The following PDE4B variants were observed in gnomAD, a reference collection of about 807,000 sequenced individuals.
PDE4B encodes phosphodiesterase 4B, also known as 3',5'-cyclic-AMP phosphodiesterase 4B.
A neutral mutation model predicts 82.2 loss-of-function variants in PDE4B; 20 were observed. The observed-to-expected ratio is 0.24, with a 90% confidence interval of 0.17 to 0.35. The LOEUF is 0.35. Ranked by LOEUF, PDE4B falls within the 10% of genes least tolerant of loss-of-function variation. PDE4B has a pLI of 1.00. For missense variants in PDE4B, 655 were observed against 907.2 expected, an observed-to-expected ratio of 0.72 and a Z score of 3.57; for synonymous variants, 320 against 318.9, an observed-to-expected ratio of 1.00 and a Z score of -0.04.
intron 3 of PDE4B, among the ~76,000 whole-genome samples, chr1:66,073,633 C>T (rs1481843641): frequency 1.3e-5 from 2 of 152,046 alleles, no homozygotes; most frequent in African/African-American, 4.8e-5. Context: ...ATATTTGCAG[C>T]CAGCTCCAAG....
chr1:65,897,909 A>C (rs1045919816), intron 1 of PDE4B, among the ~76,000 whole-genome samples: 2 of 152,194 alleles, frequency 1.3e-5, no homozygotes, highest in Middle Eastern at 3.4e-3. Flanking sequence ...GAAATGTCCA[A>C]ACTGCTTTCC....
At chr1:65,820,997 GC>G (rs1645945632) in intron 1 of PDE4B, among the ~76,000 whole-genome samples, 1 of 152,186 alleles carries the variant, frequency 6.6e-6, no homozygotes, top group Non-Finnish European at 1.5e-5. Flanking sequence ...TTTCCTTAGA[GC>G]CTCAGAATTC....
chr1:66,331,179 G>A (rs1258884240), intron 7 of PDE4B, among the ~76,000 whole-genome samples: 6 of 152,162 alleles, frequency 3.9e-5, no homozygotes, highest in Admixed American at 3.9e-4. Flanking sequence ...AAACCATGTG[G>A]TCTTGCTAGA....
At chr1:66,338,801 A>G (rs541785) in intron 8 of PDE4B, among the ~76,000 whole-genome samples, 92,765 of 145,274 alleles carry the variant, frequency 0.64, 28,983 homozygotes, top group East Asian at 0.85. Flanking sequence ...GGCGGATCAC[A>G]AGGTCAGGAT....
chr1:66,152,025 A>T (rs911738875), intron 3 of PDE4B, among the ~76,000 whole-genome samples: 1 of 152,226 alleles, frequency 6.6e-6, no homozygotes, highest in Non-Finnish European at 1.5e-5. Flanking sequence ...CTTCAGTAAA[A>T]AGACACCATA....
At chr1:66,187,257 G>C (rs1045527201) in intron 3 of PDE4B, among the ~76,000 whole-genome samples, 1 of 151,682 alleles carries the variant, frequency 6.6e-6, no homozygotes, top group South Asian at 2.1e-4. Context: ...GAGGATTTTT[G>C]CATCAATGTT....
chr1:65,859,439 T>C (rs1378219942), intron 1 of PDE4B, among the ~76,000 whole-genome samples: 3 of 152,154 alleles, frequency 2.0e-5, no homozygotes, highest in Non-Finnish European at 4.4e-5. Context: ...TTTAGGTGAA[T>C]GTATTGAGTA....
chr1:65,893,492 GAA>G (rs560830018), intron 1 of PDE4B, among the ~76,000 whole-genome samples: 24 of 152,050 alleles, frequency 1.6e-4, no homozygotes, highest in African/African-American at 5.5e-4. Context: ...AATTAAAAAA[GAA>G]AGAGATGTTG....
At chr1:66,077,297 A>C (rs992398026) in intron 3 of PDE4B, among the ~76,000 whole-genome samples, 3 of 152,194 alleles carry the variant, frequency 2.0e-5, no homozygotes, top group Non-Finnish European at 4.4e-5. Flanking sequence ...AATAATAGCT[A>C]ATGCATTTAT....
At chr1:66,294,507 C>T (rs1210088040) in intron 7 of PDE4B, among the ~76,000 whole-genome samples, 1 of 152,080 alleles carries the variant, frequency 6.6e-6, no homozygotes, top group Non-Finnish European at 1.5e-5. Context: ...ATCTTCGTAG[C>T]CCAAATTAGC....
chr1:65,937,810 G>C (rs1391308638), intron 3 of PDE4B, among the ~76,000 whole-genome samples: 2 of 152,208 alleles, frequency 1.3e-5, no homozygotes, highest in East Asian at 3.9e-4. Context: ...GGAAGTGCAG[G>C]TTTTATATAA....
At chr1:66,048,822 T>C (rs1333408287) in intron 3 of PDE4B, 2 of 151,978 alleles carry the variant, frequency 1.3e-5, no homozygotes, top group African/African-American at 4.8e-5. Context: ...TTTTCACTGA[T>C]AGGTCAGAGG....
chr1:66,041,102 G>A (rs1339391278), intron 3 of PDE4B, among the ~76,000 whole-genome samples: 2 of 151,870 alleles, frequency 1.3e-5, no homozygotes, highest in African/African-American at 2.4e-5. Flanking sequence ...CCATACTAAG[G>A]TGTTGTATAG....
At chr1:66,283,992 C>G (rs114514558) in intron 7 of PDE4B, among the ~76,000 whole-genome samples, 211 of 152,252 alleles carry the variant, frequency 1.4e-3, no homozygotes, top group Non-Finnish European at 2.6e-3. Flanking sequence ...AGGCATTATG[C>G]CTGGGTAATG....
intron 3 of PDE4B, among the ~76,000 whole-genome samples, chr1:65,924,344 G>A (rs1272021454): frequency 6.6e-6 from 1 of 151,256 alleles, no homozygotes; most frequent in African/African-American, 2.4e-5. Flanking sequence ...AAAGTGCTGG[G>A]ATTACAGGCG....
intron 1 of PDE4B, among the ~76,000 whole-genome samples, chr1:65,845,656 G>GT (rs1439780629): frequency 6.6e-6 from 1 of 152,184 alleles, no homozygotes; most frequent in Non-Finnish European, 1.5e-5. Context: ...ATGCTGAACA[G>GT]TGCTCCTGCT....
chr1:66,230,622 A>T (rs1487419798), intron 3 of PDE4B, among the ~76,000 whole-genome samples: 3 of 152,260 alleles, frequency 2.0e-5, no homozygotes, highest in Non-Finnish European at 4.4e-5. Context: ...CGCATCACAA[A>T]GACCGTTAGC....
chr1:66,331,791 G>T, intron 7 of PDE4B: 1 of 985,366 alleles, frequency 1.0e-6, no homozygotes, highest in Non-Finnish European at 1.2e-6. Context: ...GCCAATAAAC[G>T]TGTTCACGTA....
chr1:66,346,643 C>T (rs1661416424), intron 8 of PDE4B, among the ~76,000 whole-genome samples: 1 of 152,174 alleles, frequency 6.6e-6, no homozygotes, highest in East Asian at 1.9e-4. Context: ...TGCATCACAC[C>T]TGCAGCAGCA....
Sources: allele counts gnomAD v4.1 joint callset (sites outside exome capture counted in the v4.1 genomes callset), GRCh38; gene constraint gnomAD v4.1.1; transcripts MANE v1.5; gene names NCBI Gene and HGNC (gene_info 2026-07-23, HGNC 2026-07-21).